The following HS3ST4 variants were observed in gnomAD, a reference collection of about 807,000 sequenced individuals.
The protein encoded by HS3ST4 is heparan sulfate glucosamine 3-O-sulfotransferase 4.
Under a neutral mutation model 29.2 loss-of-function variants are expected in HS3ST4, and 17 were observed. That is an observed-to-expected ratio of 0.58 (90% CI 0.40 to 0.87). The LOEUF is 0.87. HS3ST4 is among the 40% of genes least tolerant of loss of function. HS3ST4 has a pLI of 0.00. For missense variants in HS3ST4, 627 were observed against 634.5 expected, an observed-to-expected ratio of 0.99 and a Z score of 0.13; for synonymous variants, 314 against 285.7, an observed-to-expected ratio of 1.10 and a Z score of -1.00.
At chr16:25,823,077 A>G (rs1409055089) in intron 1 of HS3ST4, among the ~76,000 whole-genome samples, 1 of 152,108 alleles carries the variant, frequency 6.6e-6, no homozygotes, top group Non-Finnish European at 1.5e-5. Context: ...GTTTTCTTAG[A>G]AAGGGACCTG....
intron 1 of HS3ST4, among the ~76,000 whole-genome samples, chr16:25,875,238 C>T (rs1239330067): frequency 1.3e-5 from 2 of 152,168 alleles, no homozygotes; most frequent in Non-Finnish European, 2.9e-5. Context: ...GTTCCTGTTA[C>T]TTGTATACCT....
intron 1 of HS3ST4, among the ~76,000 whole-genome samples, chr16:25,982,662 T>C (rs906998199): frequency 6.6e-6 from 1 of 152,082 alleles, no homozygotes; most frequent in African/African-American, 2.4e-5. Flanking sequence ...ACCACATCTC[T>C]ACGAAATTTT....
At chr16:26,037,207 CT>C (rs1969591473) in intron 1 of HS3ST4, among the ~76,000 whole-genome samples, 1 of 152,202 alleles carries the variant, frequency 6.6e-6, no homozygotes. Flanking sequence ...CACTCTAGTC[CT>C]TCACCTGCTA....
At chr16:25,863,124 G>A (rs9924850) in intron 1 of HS3ST4, among the ~76,000 whole-genome samples, 1,665 of 152,126 alleles carry the variant, frequency 0.011, 23 homozygotes, top group African/African-American at 0.038. Flanking sequence ...TAATTGATTT[G>A]CATATCTTGG....
At chr16:26,017,067 G>A (rs1275312527) in intron 1 of HS3ST4, among the ~76,000 whole-genome samples, 2 of 152,198 alleles carry the variant, frequency 1.3e-5, no homozygotes, top group African/African-American at 2.4e-5. Context: ...CCAACCAAGA[G>A]TGGACATGTG....
At chr16:25,944,800 C>T (rs948709599) in intron 1 of HS3ST4, among the ~76,000 whole-genome samples, 1 of 152,062 alleles carries the variant, frequency 6.6e-6, no homozygotes, top group African/African-American at 2.4e-5. Flanking sequence ...AATGGGTGCC[C>T]AATGACCAGT....
chr16:25,824,748 G>A (rs1377028290), intron 1 of HS3ST4: 1 of 152,178 alleles, frequency 6.6e-6, no homozygotes, highest in Non-Finnish European at 1.5e-5. Flanking sequence ...GGTCCCAGGG[G>A]CAGAGGTGCC....
At chr16:26,043,263 T>G (rs910258993) in intron 1 of HS3ST4, among the ~76,000 whole-genome samples, 2 of 152,230 alleles carry the variant, frequency 1.3e-5, no homozygotes, top group Admixed American at 6.5e-5. Flanking sequence ...GGACAAATTC[T>G]ACAATCTATT....
At position 25,854,299 on chromosome 16, in the gene HS3ST4, C is replaced by G. The variant is rs139051408; in HGVS notation, c.734+161148C>G. ...CTGAGGGTTCCTTTCCTTTTTAGAC[C>G]ATATAGAGTAACTTCCTGACATTGT... On this transcript the variant is annotated intron_variant, in intron 1 of 1. Transcript: ENST00000331351. Among the ~76,000 whole-genome samples the G allele has an allele frequency of 8.6e-3, 1,314 of 152,184 alleles. 25 individuals carry two copies. Among genetic ancestry groups the G allele is most frequent in the African/African-American group, 0.03 (1,261 of 41,534 alleles).
At chr16:26,010,830 A>G (rs778331870) in intron 1 of HS3ST4, among the ~76,000 whole-genome samples, 1 of 152,228 alleles carries the variant, frequency 6.6e-6, no homozygotes, top group Non-Finnish European at 1.5e-5. Flanking sequence ...TAGAAAAGAA[A>G]GTATGTTTTA....
At chr16:25,947,409 C>T (rs559745024) in intron 1 of HS3ST4, among the ~76,000 whole-genome samples, 4 of 152,266 alleles carry the variant, frequency 2.6e-5, no homozygotes, top group Admixed American at 1.3e-4. Flanking sequence ...TCTCAATGGC[C>T]CACAACAAGC....
intron 1 of HS3ST4, among the ~76,000 whole-genome samples, chr16:25,832,861 C>T (rs1967318639): frequency 6.6e-6 from 1 of 152,162 alleles, no homozygotes; most frequent in African/African-American, 2.4e-5. Flanking sequence ...CAAAGACTCT[C>T]TCAATATTTC....
At chr16:26,103,544 A>C (rs952019304) in intron 1 of HS3ST4, among the ~76,000 whole-genome samples, 19 of 152,010 alleles carry the variant, frequency 1.2e-4, no homozygotes, top group Admixed American at 2.6e-4. Flanking sequence ...TTGTCCACCC[A>C]CCCTACTCCC....
At chr16:25,961,203 A>G (rs1015434360) in intron 1 of HS3ST4, among the ~76,000 whole-genome samples, 12 of 152,192 alleles carry the variant, frequency 7.9e-5, no homozygotes, top group African/African-American at 2.7e-4. Context: ...AAGTGTCCCA[A>G]TATGTATCCT....
chr16:25,771,947 G>C (rs183269236), intron 1 of HS3ST4, among the ~76,000 whole-genome samples: 2 of 152,248 alleles, frequency 1.3e-5, no homozygotes, highest in East Asian at 3.9e-4. Context: ...GTTCCAAACA[G>C]CATTTAGTGG....
intron 1 of HS3ST4, among the ~76,000 whole-genome samples, chr16:26,109,198 T>C (rs1899095171): frequency 1.3e-5 from 2 of 152,326 alleles, no homozygotes; most frequent in South Asian, 4.1e-4. Flanking sequence ...GCTAATTCCC[T>C]GTACCTTCCA....
intron 1 of HS3ST4, among the ~76,000 whole-genome samples, chr16:25,871,716 G>C (rs1488373346): frequency 6.6e-6 from 1 of 152,122 alleles, no homozygotes; most frequent in Non-Finnish European, 1.5e-5. Flanking sequence ...TCCAGAACCT[G>C]TCCCCTCACA....
At chr16:26,000,251 C>T (rs7204294) in intron 1 of HS3ST4, among the ~76,000 whole-genome samples, 55,974 of 151,756 alleles carry the variant, frequency 0.37, 10,639 homozygotes, top group African/African-American at 0.41. Context: ...GACATCATCA[C>T]CTATCTCTTC....
At chr16:26,030,209 G>T (rs558300247) in intron 1 of HS3ST4, among the ~76,000 whole-genome samples, 1 of 152,274 alleles carries the variant, frequency 6.6e-6, no homozygotes, top group East Asian at 1.9e-4. Flanking sequence ...CCATGATTTT[G>T]TGAGTTACAT....
Sources: gnomAD v4.1 joint callset for allele counts (sites outside exome capture counted in the v4.1 genomes callset) on GRCh38, gnomAD v4.1.1 for gene constraint, MANE v1.5 for transcripts, NCBI Gene and HGNC (gene_info 2026-07-23, HGNC 2026-07-21) for gene names.